The following SPANXN3 variants were observed in gnomAD, a reference collection of about 807,000 sequenced individuals.
SPANXN3 encodes the protein sperm protein associated with the nucleus on the X chromosome N3.
Under a neutral mutation model 1.9 loss-of-function variants are expected in SPANXN3, and 1 was observed. The ratio of observed to expected loss-of-function variants is 0.54; its 90% CI spans 0.19 to 2.54. SPANXN3 has a LOEUF of 2.54. Ranked by LOEUF, SPANXN3 falls within the 30% of genes most tolerant of loss-of-function variation. SPANXN3 has a pLI of 0.24. For missense variants in SPANXN3, 113 were observed against 96.2 expected, an observed-to-expected ratio of 1.17 and a Z score of -0.73; for synonymous variants, 47 against 40.0, an observed-to-expected ratio of 1.17 and a Z score of -0.66.
chrX:143,515,731 C>G (rs1288239827), intron 1 of SPANXN3, among the ~76,000 whole-genome samples: 1 of 111,150 alleles, frequency 9.0e-6, no homozygotes, highest in Non-Finnish European at 1.9e-5. Flanking sequence ...CAGCAATTCA[C>G]AGCCCTTCCT....
At chrX:143,516,395 T>C (rs1206189440) in intron 1 of SPANXN3, among the ~76,000 whole-genome samples, 1 of 111,829 alleles carries the variant, frequency 8.9e-6, no homozygotes, top group Admixed American at 9.5e-5. Context: ...TGTTTCAGCC[T>C]AAACATTAAC....
intron 1 of SPANXN3, chrX:143,510,030 C>A (rs1284674264): frequency 9.0e-6 from 1 of 110,967 alleles, no homozygotes; most frequent in Non-Finnish European, 1.9e-5. Context: ...TGTTCCCAGT[C>A]CTGTTTCCCC....
At position 143,509,178 on chromosome X, in the gene SPANXN3, G is replaced by C; in HGVS notation, c.79-16C>G. 1 of 1,173,286 alleles carries C rather than the reference G, an allele frequency of 8.5e-7. No individual in the cohort carries two copies. The highest frequency in any genetic ancestry group is 1.9e-5 in the South Asian group (1 of 52,877). On this transcript the variant is annotated splice_polypyrimidine_tract_variant and intron_variant, in intron 1 of 1. Coordinates refer to ENST00000370503, the MANE Select transcript of SPANXN3 (RefSeq NM_001009609.4). The stretch of plus-strand genomic sequence containing the variant: ...CCTCTTGCATCTGGTAAGAAAATAG[G>C]GAGAGGCCAGAAAGACATTATTTTG...
intron 1 of SPANXN3, among the ~76,000 whole-genome samples, chrX:143,514,725 C>A: frequency 9.0e-6 from 1 of 111,590 alleles, no homozygotes; most frequent in South Asian, 3.8e-4. Flanking sequence ...TCCAGTCAGA[C>A]AACGGGCCAA....
chrX:143,512,296 T>C (rs12116129), intron 1 of SPANXN3, among the ~76,000 whole-genome samples: 28,195 of 109,979 alleles, frequency 0.26, 2,560 homozygotes, highest in Non-Finnish European at 0.31. Context: ...GGAATGTTTC[T>C]AAACCCACAA....
intron 1 of SPANXN3, among the ~76,000 whole-genome samples, chrX:143,513,337 AC>A (rs1929140069): frequency 8.9e-6 from 1 of 111,988 alleles, no homozygotes; most frequent in African/African-American, 3.3e-5. Context: ...TTGCCCTTGG[AC>A]TACTCTGCCA....
intron 1 of SPANXN3, among the ~76,000 whole-genome samples, chrX:143,514,281 A>G (rs1556412159): frequency 9.9e-5 from 11 of 111,051 alleles, no homozygotes; most frequent in Non-Finnish European, 1.9e-5. Context: ...TCAGGAAAAA[A>G]TTGTTTGATC....
At chrX:143,515,778 C>T (rs190282012) in intron 1 of SPANXN3, among the ~76,000 whole-genome samples, 1 of 111,759 alleles carries the variant, frequency 8.9e-6, no homozygotes, top group Non-Finnish European at 1.9e-5. Flanking sequence ...CAAAATAAGC[C>T]TGCATCTCAC....
chrX:143,512,360 T>C (rs782211322), intron 1 of SPANXN3, among the ~76,000 whole-genome samples: 2 of 111,935 alleles, frequency 1.8e-5, no homozygotes, highest in Admixed American at 9.5e-5. Context: ...CTCCATTTTC[T>C]TTTTTCAGTC....
At chrX:143,509,193 A>T (rs782328394) in intron 1 of SPANXN3, 31 bp from the exon 2 acceptor site, 36 of 1,145,857 alleles carry the variant, frequency 3.1e-5, no homozygotes, top group Non-Finnish European at 4.0e-5. Context: ...GGCCAGAAAG[A>T]CATTATTTTG....
In SPANXN3 at chrX:143,513,870, C is replaced by T. The variant is rs1929154176; in HGVS notation, c.78+3444G>A. ...CTCCTAGAATCCAATGCTCTGCCAC[C>T]CCATGCTACCTCTCAACAGCCTAAG... On this transcript the variant is annotated intron_variant, in intron 1 of 1. Transcript: ENST00000370503. Among the ~76,000 whole-genome samples the T allele has an allele frequency of 1.8e-5, 2 of 112,277 alleles. 1 individual carries two copies. Among genetic ancestry groups the T allele is most frequent in the South Asian group, 7.4e-4 (2 of 2,695 alleles).
intron 1 of SPANXN3, among the ~76,000 whole-genome samples, chrX:143,512,238 A>G (rs185818608): frequency 1.9e-3 from 202 of 108,500 alleles, no homozygotes; most frequent in African/African-American, 6.6e-3. Context: ...CTCTCCCCCT[A>G]CTCATCCTCA....
chrX:143,516,930 G>T, intron 1 of SPANXN3: 1 of 146,923 alleles, frequency 6.8e-6, no homozygotes. Flanking sequence ...AACATTCCAC[G>T]GGGGTTCGGG....
At position 143,517,156 on chromosome X, in the gene SPANXN3, C is replaced by T. The variant is rs1451262472; in HGVS notation, c.78+158G>A. ...CCCAGGCCCCTCCCACCCCTACCTACAAGCACCCCAGCCTGTAAGCAGCGG... is the reference window on the plus strand; with the variant it reads ...CCCAGGCCCCTCCCACCCCTACCTATAAGCACCCCAGCCTGTAAGCAGCGG... On this transcript the variant is annotated intron_variant, in intron 1 of 1. Coordinates refer to ENST00000370503, the MANE Select transcript of SPANXN3 (RefSeq NM_001009609.4). 3.6e-5 allele frequency among the ~76,000 whole-genome samples: 4 copies of T among 110,718 alleles called. No homozygotes were observed. The Admixed American group carries it at 3.8e-4, about 11-fold the overall frequency.
intron 1 of SPANXN3, among the ~76,000 whole-genome samples, chrX:143,514,959 T>C (rs1234497460): frequency 9.9e-5 from 11 of 111,506 alleles, no homozygotes; most frequent in African/African-American, 3.6e-4. Context: ...TTTAAACTCA[T>C]GTACAAATGC....
intron 1 of SPANXN3, among the ~76,000 whole-genome samples, chrX:143,516,077 G>T (rs1260662082): frequency 2.7e-5 from 3 of 111,506 alleles, no homozygotes; most frequent in Non-Finnish European, 5.6e-5. Flanking sequence ...GCCCTGTCAG[G>T]GCTACAATGG....
At position 143,509,151 on chromosome X, in the gene SPANXN3, T is replaced by C. The variant is rs373998743; in HGVS notation, c.90A>G (p.Val30=). The part of the protein sequence containing the change: ...NNKKNDEMQE[V]PNRVLAPEQS... ...GTTCGGGGGCTAAGACTCTGTTTGG[T>C]ACCTCTTGCATCTGGTAAGAAAATA... Residue 30 remains valine (V), a synonymous_variant, in exon 2 of 2, where the codon GTA becomes GTG. Coordinates refer to ENST00000370503, the MANE Select transcript of SPANXN3 (RefSeq NM_001009609.4). 1.7e-6 allele frequency: 2 copies of C among 1,204,370 alleles called. No homozygotes were observed. The highest frequency in any genetic ancestry group is 3.5e-5 in the African/African-American group (2 of 56,886).
chrX:143,513,083 C>CA (rs199591492), intron 1 of SPANXN3, among the ~76,000 whole-genome samples: 5,090 of 111,048 alleles, frequency 0.046, 187 homozygotes, highest in African/African-American at 0.11. Context: ...TTTCCTCACA[C>CA]AAAAAAGTAC....
intron 1 of SPANXN3, among the ~76,000 whole-genome samples, chrX:143,511,587 A>G (rs1434779480): frequency 1.8e-5 from 2 of 111,471 alleles, no homozygotes; most frequent in African/African-American, 6.5e-5. Context: ...CCCAAACCTA[A>G]AAAAGGGCCA....
Sources: allele counts gnomAD v4.1 joint callset (sites outside exome capture counted in the v4.1 genomes callset), GRCh38; gene constraint gnomAD v4.1.1; transcripts MANE v1.5; gene names NCBI Gene and HGNC (gene_info 2026-07-23, HGNC 2026-07-21).